Variants in AGMO observed in about 807,000 individuals in gnomAD.
The protein encoded by AGMO is glyceryl-ether monooxygenase.
Under a neutral mutation model 60.2 loss-of-function variants are expected in AGMO, and 75 were observed. The ratio of observed to expected loss-of-function variants is 1.25; its 90% CI spans 1.03 to 1.51. The LOEUF (loss-of-function observed/expected upper bound fraction) is 1.51. Ranked by LOEUF, AGMO falls within the 40% of genes most tolerant of loss-of-function variation. The probability of loss-of-function intolerance (pLI) is 0.00; values close to 1 mark genes in which losing one functional copy is unlikely to be tolerated. For synonymous variants in AGMO, 261 were observed against 177.1 expected, an observed-to-expected ratio of 1.47 and a Z score of -3.76; for missense variants, 763 against 525.5, an observed-to-expected ratio of 1.45 and a Z score of -4.42.
At chr7:15,496,083 G>C (rs1318736567) in intron 3 of AGMO, among the ~76,000 whole-genome samples, 2 of 152,052 alleles carry the variant, frequency 1.3e-5, no homozygotes, top group Non-Finnish European at 2.9e-5. Flanking sequence ...ACATTAAAGA[G>C]GCAATAGTCT....
intron 10 of AGMO, among the ~76,000 whole-genome samples, chr7:15,381,430 C>A (rs1044089461): frequency 1.3e-5 from 2 of 151,792 alleles, no homozygotes; most frequent in African/African-American, 4.9e-5. Context: ...AAAAAAAGTT[C>A]AACATCACTG....
chr7:15,283,388 A>T lies in AGMO; in HGVS notation c.1264-82029T>A, dbSNP rs148138525. Among the ~76,000 whole-genome samples, 54 of 152,198 alleles carry T rather than the reference A, an allele frequency of 3.5e-4. 1 individual carries two copies. In the South Asian group the frequency reaches 5.8e-3, roughly 16 times the overall value. ...TAAACTCAAGATAAACAGCTGGAAA[A>T]AGATATTTGATGCAAATGGAAACCA... On this transcript the variant is annotated intron_variant, in intron 12 of 12. Coordinates refer to ENST00000342526, the MANE Select transcript of AGMO (RefSeq NM_001004320.2).
the AGMO span, among the ~76,000 whole-genome samples, chr7:15,168,007 T>C: frequency 6.6e-6 from 1 of 152,202 alleles, no homozygotes; most frequent in Non-Finnish European, 1.5e-5. Flanking sequence ...GTCCTAGCAA[T>C]GGTGCAGAGG....
chr7:15,456,765 A>C (rs2128507368), intron 3 of AGMO, among the ~76,000 whole-genome samples: 1 of 152,248 alleles, frequency 6.6e-6, no homozygotes, highest in Middle Eastern at 3.4e-3. Context: ...GGTGCAGTTC[A>C]TCTTTCACCT....
intron 3 of AGMO, among the ~76,000 whole-genome samples, chr7:15,451,569 C>G (rs906403324): frequency 2.5e-4 from 38 of 152,150 alleles, no homozygotes; most frequent in African/African-American, 8.7e-4. Flanking sequence ...TCCCTCAGGT[C>G]TCTTTTATAT....
At chr7:15,472,800 G>A (rs953075113) in intron 3 of AGMO, among the ~76,000 whole-genome samples, 1 of 151,660 alleles carries the variant, frequency 6.6e-6, no homozygotes, top group African/African-American at 2.4e-5. Flanking sequence ...ATAGTCTATC[G>A]TTTTATGTGA....
chr7:15,327,700 AAGAG>A (rs1262827735), intron 12 of AGMO, among the ~76,000 whole-genome samples: 1 of 151,712 alleles, frequency 6.6e-6, no homozygotes, highest in East Asian at 1.9e-4. Flanking sequence ...GGGGGAGAGA[AAGAG>A]AGGTTTTCAT....
intron 12 of AGMO, among the ~76,000 whole-genome samples, chr7:15,327,685 C>T (rs543337517): frequency 4.7e-4 from 71 of 150,830 alleles, no homozygotes; most frequent in Middle Eastern, 7.0e-3. Flanking sequence ...GTAATTAAGC[C>T]CTGAGGGGGA....
At chr7:15,559,803 C>G (rs377015093) in intron 2 of AGMO, among the ~76,000 whole-genome samples, 1 of 151,854 alleles carries the variant, frequency 6.6e-6, no homozygotes, top group African/African-American at 2.4e-5. Context: ...TGGCTACACC[C>G]GAGACAGCTA....
chr7:15,532,416 T>C (rs1295782909), intron 3 of AGMO, among the ~76,000 whole-genome samples: 2 of 152,210 alleles, frequency 1.3e-5, no homozygotes, highest in African/African-American at 2.4e-5. Context: ...TAAATTTGCT[T>C]TGTTTTGGTT....
chr7:15,466,678 A>G (rs982083934), intron 3 of AGMO, among the ~76,000 whole-genome samples: 4 of 152,158 alleles, frequency 2.6e-5, no homozygotes, highest in African/African-American at 9.6e-5. Flanking sequence ...CAATCCCTTC[A>G]TCTGTTAAGA....
chr7:15,259,245 T>C (rs907316111), intron 12 of AGMO, among the ~76,000 whole-genome samples: 6 of 151,796 alleles, frequency 4.0e-5, no homozygotes, highest in Admixed American at 6.6e-5. Flanking sequence ...AGCATGCACT[T>C]AGAGAAATGC....
rs745558539 is a variant in AGMO, at chr7:15,365,516, C to CA, written c.1260dup (p.Glu421Ter). ...GGCTACCTAAACAAATGTCTTACCT[C>CA]AAAAGCAGATGACAATGAAGGGACA... On this transcript the variant is annotated frameshift_variant, in exon 12 of 13. Transcript: ENST00000342526. LOFTEE classifies it high-confidence loss of function. The CA allele has an allele frequency of 1.2e-5, 19 of 1,608,048 alleles. No homozygotes were observed. The East Asian group carries it at 4.0e-4, about 34-fold the overall frequency.
chr7:15,531,889 G>A (rs992132742), intron 3 of AGMO, among the ~76,000 whole-genome samples: 11 of 151,474 alleles, frequency 7.3e-5, no homozygotes, highest in South Asian at 2.1e-4. Flanking sequence ...AGCTGGTCTC[G>A]AACTCTTGAC....
intron 12 of AGMO, 134 bp downstream of exon 12, chr7:15,365,380 T>A (rs866271691): frequency 2.5e-4 from 55 of 223,992 alleles, no homozygotes; most frequent in African/African-American, 7.5e-4. Flanking sequence ...TACTGGTAAG[T>A]AAAAAAAAAA....
chr7:15,470,142 G>T lies in AGMO; in HGVS notation c.410-39034C>A, dbSNP rs560741163. 3.3e-5 allele frequency among the ~76,000 whole-genome samples: 5 copies of T among 152,060 alleles called. No individual in the cohort carries two copies. The South Asian group carries it at 1.0e-3, about 32-fold the overall frequency. On this transcript the variant is annotated intron_variant, in intron 3 of 12. Transcript: ENST00000342526. Reference sequence around the variant, plus strand: ...GATGTCATAAAATGGAAGGCAGATGGATATTCAAGAAAGATAGCATAGCAT... The same window carrying T: ...GATGTCATAAAATGGAAGGCAGATGTATATTCAAGAAAGATAGCATAGCAT...
intron 3 of AGMO, among the ~76,000 whole-genome samples, chr7:15,485,895 A>G (rs180941463): frequency 2.0e-3 from 299 of 152,216 alleles, no homozygotes; most frequent in African/African-American, 6.7e-3. Context: ...GATCTAAAAT[A>G]TTCTAAGGGT....
chr7:15,527,766 T>A (rs1266535270), intron 3 of AGMO, among the ~76,000 whole-genome samples: 1 of 152,182 alleles, frequency 6.6e-6, no homozygotes, highest in Non-Finnish European at 1.5e-5. Context: ...GGCTTTAAGA[T>A]GAAGCCATTT....
chr7:15,435,369 C>T (rs1781371802), intron 3 of AGMO, among the ~76,000 whole-genome samples: 1 of 150,864 alleles, frequency 6.6e-6, no homozygotes, highest in African/African-American at 2.4e-5. Flanking sequence ...TGCTCCACAT[C>T]TCTGGCAGCA....
Sources: gnomAD v4.1 joint callset for allele counts (sites outside exome capture counted in the v4.1 genomes callset) on GRCh38, gnomAD v4.1.1 for gene constraint, MANE v1.5 for transcripts, NCBI Gene and HGNC (gene_info 2026-07-23, HGNC 2026-07-21) for gene names.